The following KCNN2 variants were observed in gnomAD, a reference collection of about 807,000 sequenced individuals.
KCNN2 encodes the protein small conductance calcium-activated potassium channel protein 2.
In KCNN2, 24 loss-of-function variants were observed where a neutral mutation model predicts 55.5. The ratio of observed to expected loss-of-function variants is 0.43; its 90% confidence interval spans 0.31 to 0.61. The LOEUF is 0.61. Among genes scored for constraint, KCNN2 ranks in the 20% least tolerant of loss-of-function variants. The pLI is 0.08. For synonymous variants in KCNN2, 431 were observed against 336.1 expected, an observed-to-expected ratio of 1.28 and a Z score of -3.09; for missense variants, 754 against 853.6, an observed-to-expected ratio of 0.88 and a Z score of 1.45.
At chr5:114,170,475 G>A (rs1278409002) in intron 1 of KCNN2, among the ~76,000 whole-genome samples, 2 of 151,912 alleles carry the variant, frequency 1.3e-5, no homozygotes, top group African/African-American at 2.4e-5. Flanking sequence ...TTTAATCTAT[G>A]TGCTGGAATA....
chr5:114,458,679 C>A (rs1204827689), intron 3 of KCNN2, among the ~76,000 whole-genome samples: 1 of 152,176 alleles, frequency 6.6e-6, no homozygotes, highest in Non-Finnish European at 1.5e-5. Context: ...CATTACCTGT[C>A]TTATGACCCA....
chr5:114,109,078 G>A (rs757215257), intron 1 of KCNN2, among the ~76,000 whole-genome samples: 1 of 152,054 alleles, frequency 6.6e-6, no homozygotes, highest in Non-Finnish European at 1.5e-5. Flanking sequence ...TCTCTCAGAA[G>A]TCTCAAGGTG....
chr5:114,213,994 A>C (rs144376827), intron 1 of KCNN2, among the ~76,000 whole-genome samples: 1 of 152,192 alleles, frequency 6.6e-6, no homozygotes, highest in East Asian at 1.9e-4. Flanking sequence ...AGTGCTTCAC[A>C]TACATTACCT....
intron 1 of KCNN2, among the ~76,000 whole-genome samples, chr5:114,181,745 G>A (rs1039468134): frequency 6.6e-6 from 1 of 152,084 alleles, no homozygotes; most frequent in East Asian, 1.9e-4. Context: ...GGCAGGGTGT[G>A]GTGTCTCACG....
chr5:114,334,144 C>T (rs1341410903), intron 2 of KCNN2, among the ~76,000 whole-genome samples: 2 of 151,998 alleles, frequency 1.3e-5, no homozygotes, highest in Non-Finnish European at 2.9e-5. Flanking sequence ...TTTTACCAAC[C>T]CATAATGGAT....
chr5:114,439,738 A>C (rs889340409), intron 3 of KCNN2, among the ~76,000 whole-genome samples: 2 of 152,186 alleles, frequency 1.3e-5, no homozygotes, highest in Non-Finnish European at 2.9e-5. Context: ...AAAAGAATAG[A>C]CTAAATATAA....
At chr5:114,481,274 A>G (rs1231409299) in intron 5 of KCNN2, among the ~76,000 whole-genome samples, 1 of 152,216 alleles carries the variant, frequency 6.6e-6, no homozygotes, top group Non-Finnish European at 1.5e-5. Context: ...TAAAATACTT[A>G]GGAATACAGC....
chr5:114,424,742 A>C (rs537647636), intron 3 of KCNN2, among the ~76,000 whole-genome samples: 1 of 152,226 alleles, frequency 6.6e-6, no homozygotes, highest in Non-Finnish European at 1.5e-5. Flanking sequence ...GAGTAGGACC[A>C]AGTGACCCAG....
intron 4 of KCNN2, among the ~76,000 whole-genome samples, chr5:114,465,210 G>A (rs767599512): frequency 6.6e-6 from 1 of 152,148 alleles, no homozygotes; most frequent in Non-Finnish European, 1.5e-5. Context: ...TGTTCCTCGT[G>A]TCTCAAAAAC....
intron 1 of KCNN2, among the ~76,000 whole-genome samples, chr5:114,165,732 T>G (rs1386212937): frequency 6.6e-6 from 1 of 152,202 alleles, no homozygotes. Context: ...TTTCTCTAGC[T>G]TACTTTAGTA....
At chr5:114,240,079 G>T (rs191070431) in intron 2 of KCNN2, among the ~76,000 whole-genome samples, 1 of 152,118 alleles carries the variant, frequency 6.6e-6, no homozygotes, top group Admixed American at 6.5e-5. Flanking sequence ...CTCAAGAAAA[G>T]TAAGGATCAT....
intron 1 of KCNN2, among the ~76,000 whole-genome samples, chr5:114,067,674 TC>T: frequency 6.6e-6 from 1 of 152,304 alleles, no homozygotes; most frequent in South Asian, 2.1e-4. Flanking sequence ...GGCAAAAGCA[TC>T]CATAAATTTG....
In KCNN2 at chr5:114,348,866, G is replaced by T. The variant is rs150882109; in HGVS notation, c.-184-12079G>T. On this transcript the variant is annotated intron_variant, in intron 2 of 10. Coordinates refer to the KCNN2 transcript ENST00000512097. Reference sequence around the variant, plus strand: ...TCATTTTAGCATTCAGTTTTATTTGGGAATTGCTCTCATCACTTTTTAACA... The same window carrying T: ...TCATTTTAGCATTCAGTTTTATTTGTGAATTGCTCTCATCACTTTTTAACA... Among the ~76,000 whole-genome samples the T allele has an allele frequency of 2.3e-3, 345 of 151,990 alleles. 1 individual carries two copies. The highest frequency in any genetic ancestry group is 8.2e-3 in the African/African-American group (340 of 41,456).
intron 3 of KCNN2, among the ~76,000 whole-genome samples, chr5:114,440,573 G>T (rs1002804586): frequency 6.6e-6 from 1 of 151,732 alleles, no homozygotes; most frequent in African/African-American, 2.4e-5. Flanking sequence ...ATGAGTACTT[G>T]GGAGGGTAAA....
intron 2 of KCNN2, among the ~76,000 whole-genome samples, chr5:114,310,478 A>C (rs1756373682): frequency 6.6e-6 from 1 of 152,232 alleles, no homozygotes; most frequent in Non-Finnish European, 1.5e-5. Flanking sequence ...ATACTTGAAT[A>C]ATAAACACAG....
chr5:114,268,887 A>G (rs60050256), intron 2 of KCNN2, among the ~76,000 whole-genome samples: 29,826 of 151,824 alleles, frequency 0.2, 4,185 homozygotes, highest in African/African-American at 0.4. Context: ...CAGCAGGAAC[A>G]AAACAAGAGA....
At chr5:114,429,058 G>A (rs1267228387) in intron 3 of KCNN2, among the ~76,000 whole-genome samples, 2 of 151,974 alleles carry the variant, frequency 1.3e-5, no homozygotes, top group African/African-American at 2.4e-5. Context: ...GTGGACATAA[G>A]TTTTCAAGTC....
chr5:114,121,911 A>T (rs1477238339), intron 1 of KCNN2, among the ~76,000 whole-genome samples: 1 of 152,216 alleles, frequency 6.6e-6, no homozygotes, highest in African/African-American at 2.4e-5. Context: ...TGCCAGGATT[A>T]TGTTCTTAAG....
At chr5:114,287,318 A>G (rs919676176) in intron 2 of KCNN2, among the ~76,000 whole-genome samples, 5 of 152,228 alleles carry the variant, frequency 3.3e-5, no homozygotes, top group African/African-American at 7.2e-5. Flanking sequence ...TTATAGCACT[A>G]TTTACAATAG....
Sources: gnomAD v4.1 joint callset for allele counts (sites outside exome capture counted in the v4.1 genomes callset) on GRCh38, gnomAD v4.1.1 for gene constraint, MANE v1.5 for transcripts, NCBI Gene and HGNC (gene_info 2026-07-23, HGNC 2026-07-21) for gene names.